GLIS1: variants seen among roughly 807,000 people sequenced by gnomAD.
The protein encoded by GLIS1 is GLIS family zinc finger 1, also known as zinc finger protein GLIS1.
A neutral mutation model predicts 63.8 loss-of-function variants in GLIS1; 24 were observed. The ratio of observed to expected loss-of-function variants is 0.38; its 90% CI spans 0.27 to 0.53. The LOEUF (loss-of-function observed/expected upper bound fraction) is 0.53, where lower values mean the gene tolerates loss of function less well. GLIS1 is among the 20% of genes least tolerant of loss of function. The pLI, the probability that GLIS1 is intolerant of heterozygous loss-of-function variation, is 0.85. For synonymous variants in GLIS1, 450 were observed against 482.5 expected (o/e 0.93, Z 0.88); for missense variants, 1,036 against 1,074.1 (o/e 0.96, Z 0.50).
At chr1:53,651,798 C>A (rs1645910555) in intron 2 of GLIS1, among the ~76,000 whole-genome samples, 1 of 150,782 alleles carries the variant, frequency 6.6e-6, no homozygotes, top group African/African-American at 2.5e-5. Flanking sequence ...CGCTTGAGCC[C>A]AGGAGCTTGA....
intron 4 of GLIS1, among the ~76,000 whole-genome samples, chr1:53,548,711 G>A (rs1644729619): frequency 6.6e-6 from 1 of 152,212 alleles, no homozygotes. Flanking sequence ...CATTATGCTT[G>A]CATCTGTTTC....
intron 2 of GLIS1, among the ~76,000 whole-genome samples, chr1:53,614,588 G>A (rs996087242): frequency 2.0e-5 from 3 of 152,220 alleles, no homozygotes; most frequent in Non-Finnish European, 4.4e-5. Flanking sequence ...GACTCGACAG[G>A]TGGGAAACGC....
At chr1:53,507,878 T>C in intron 10 of GLIS1, among the ~76,000 whole-genome samples, 1 of 152,084 alleles carries the variant, frequency 6.6e-6, no homozygotes, top group Non-Finnish European at 1.5e-5. Context: ...GAGGACAAGA[T>C]GGGGAGAGCC....
chr1:53,663,489 C>A (rs1275763788), intron 2 of GLIS1, among the ~76,000 whole-genome samples: 1 of 152,226 alleles, frequency 6.6e-6, no homozygotes, highest in African/African-American at 2.4e-5. Context: ...TGCCGCTGGA[C>A]AGATACAGAG....
intron 2 of GLIS1, among the ~76,000 whole-genome samples, chr1:53,647,663 T>C (rs1457280990): frequency 2.0e-5 from 3 of 151,422 alleles, no homozygotes; most frequent in Non-Finnish European, 4.4e-5. Flanking sequence ...ATTTTCACAA[T>C]TTGAGATAAA....
chr1:53,663,183 G>C (rs1263232738), intron 2 of GLIS1, among the ~76,000 whole-genome samples: 3 of 152,182 alleles, frequency 2.0e-5, no homozygotes, highest in Non-Finnish European at 4.4e-5. Context: ...TGTGGCCCCA[G>C]CCCCATCTGC....
At chr1:53,558,167 G>C (rs900369699) in intron 4 of GLIS1, among the ~76,000 whole-genome samples, 2 of 152,192 alleles carry the variant, frequency 1.3e-5, no homozygotes, top group Non-Finnish European at 2.9e-5. Context: ...GCCTGCCCTC[G>C]GAGGTGCAAC....
At chr1:53,629,330 GCCC>G (rs1478953106) in intron 2 of GLIS1, among the ~76,000 whole-genome samples, 1 of 152,098 alleles carries the variant, frequency 6.6e-6, no homozygotes, top group African/African-American at 2.4e-5. Context: ...GTGCTTCACA[GCCC>G]ATGAGCCAGC....
At chr1:53,550,030 A>G (rs1644742803) in intron 4 of GLIS1, among the ~76,000 whole-genome samples, 1 of 152,188 alleles carries the variant, frequency 6.6e-6, no homozygotes, top group South Asian at 2.1e-4. Context: ...AGGCCCCTTA[A>G]TGGGGACATG....
intron 2 of GLIS1, among the ~76,000 whole-genome samples, chr1:53,647,646 G>A (rs1273207926): frequency 6.6e-6 from 1 of 150,796 alleles, no homozygotes; most frequent in Non-Finnish European, 1.5e-5. Flanking sequence ...AAATTGTATA[G>A]GAGACTATTT....
chr1:53,713,676 C>G (rs113009731), intron 2 of GLIS1, among the ~76,000 whole-genome samples: 2,389 of 152,324 alleles, frequency 0.016, 61 homozygotes, highest in African/African-American at 0.051. Flanking sequence ...GTGGAAGGAT[C>G]GCTTGAGCCC....
intron 1 of GLIS1, among the ~76,000 whole-genome samples, chr1:53,738,610 C>T (rs1377722675): frequency 6.6e-6 from 1 of 152,178 alleles, no homozygotes; most frequent in South Asian, 2.1e-4. Context: ...CCCAAAGGCC[C>T]GAGGGAAACC....
In GLIS1 at chr1:53,529,869, C is replaced by T; in HGVS notation, c.1404G>A (p.Leu468=). 1 of 1,613,958 alleles carries T rather than the reference C, an allele frequency of 6.2e-7. No individual in the cohort carries two copies. The highest frequency in any genetic ancestry group is 1.1e-5 in the South Asian group (1 of 91,068). The part of the protein sequence containing the change: ...LRSHTGEKPY[L]CQHPGCQKAF... ...CCTTCTGGCAACCCGGGTGCTGGCA[C>T]AGGTACGGCTTCTCGCCCGTGTGGC... The change falls in exon 5 of 11, where the codon CTG becomes CTA. Residue 468 remains leucine (L), a synonymous_variant. Coordinates refer to ENST00000628545, the MANE Select transcript of GLIS1 (RefSeq NM_001367484.1).
In GLIS1 at chr1:53,509,280, C is replaced by T. The variant is rs866261589; in HGVS notation, c.2070G>A (p.Gln690=). 6.4e-7 allele frequency: 1 copy of T among 1,573,806 alleles called. No individual in the cohort carries two copies. The highest frequency in any genetic ancestry group is 8.7e-7 in the Non-Finnish European group (1 of 1,155,770). The change falls in exon 10 of 11, where the codon CAG becomes CAA. Residue 690 remains glutamine (Q), a synonymous_variant. Transcript: ENST00000628545. ...PPPLPSPQGY[Q]GSFHSIQSCF... is the part of the protein sequence containing the mutation. ...AACTCTGGATGGAGTGGAAACTGCC[C>T]TGGTAACCTGCAGACGGGGGTAGCA...
intron 2 of GLIS1, among the ~76,000 whole-genome samples, chr1:53,697,331 G>T (rs561744813): frequency 6.6e-6 from 1 of 152,316 alleles, no homozygotes; most frequent in African/African-American, 2.4e-5. Flanking sequence ...GCCCTCTGAG[G>T]TTCTCACTCT....
chr1:53,536,606 C>T (rs570168765), intron 4 of GLIS1, among the ~76,000 whole-genome samples: 19 of 152,208 alleles, frequency 1.2e-4, no homozygotes, highest in African/African-American at 4.3e-4. Context: ...CAGTCAGTGA[C>T]GGAGCAGGAA....
At position 53,539,634 on chromosome 1, in the gene GLIS1, A is replaced by T. The variant is rs2100363641; in HGVS notation, c.1321-9682T>A. Among the ~76,000 whole-genome samples, 1 of 151,954 alleles carries T rather than the reference A, an allele frequency of 6.6e-6. No individual in the cohort carries two copies. Among genetic ancestry groups the T allele is most frequent in the East Asian group, 1.9e-4 (1 of 5,158 alleles). ...CAAAAACACACAGGCCAGGACACACATGTTCACACATATACCCAAAGACGT... is the reference window on the plus strand; with the variant it reads ...CAAAAACACACAGGCCAGGACACACTTGTTCACACATATACCCAAAGACGT... On this transcript the variant is annotated intron_variant, in intron 4 of 10. Transcript: ENST00000628545. The surrounding 1 kb of genome is among the most constrained non-coding windows in gnomAD (Gnocchi z 5.0).
intron 2 of GLIS1, among the ~76,000 whole-genome samples, chr1:53,672,656 C>CT (rs1428650111): frequency 6.6e-6 from 1 of 152,242 alleles, no homozygotes; most frequent in Non-Finnish European, 1.5e-5. Context: ...ACCCAGTTGG[C>CT]TTTTGAGGCC....
chr1:53,617,880 G>T (rs1645499191), intron 2 of GLIS1, among the ~76,000 whole-genome samples: 1 of 152,038 alleles, frequency 6.6e-6, no homozygotes, highest in African/African-American at 2.4e-5. Context: ...CTCCCCCAAG[G>T]TCACAGAGTG....
Sources: allele counts gnomAD v4.1 joint callset (sites outside exome capture counted in the v4.1 genomes callset), GRCh38; gene constraint gnomAD v4.1.1; non-coding constraint Gnocchi (gnomAD v3.1); transcripts MANE v1.5; gene names NCBI Gene and HGNC (gene_info 2026-07-23, HGNC 2026-07-21).